The following FGD3 variants were observed in gnomAD, a reference collection of about 807,000 sequenced individuals.
FGD3 encodes FYVE, RhoGEF and PH domain containing 3.
A neutral mutation model predicts 71.8 loss-of-function variants in FGD3; 45 were observed. The ratio of observed to expected loss-of-function variants is 0.63; its 90% CI spans 0.49 to 0.80. FGD3 has a LOEUF of 0.80. Among genes scored for constraint, FGD3 ranks in the 30% least tolerant of loss-of-function variants. FGD3 has a pLI of 0.00. For missense variants in FGD3, 844 were observed against 951.5 expected (o/e 0.89, Z 1.49); for synonymous variants, 378 against 392.8 (o/e 0.96, Z 0.44).
intron 5 of FGD3, 78 bp from the exon 6 acceptor site, chr9:93,005,946 T>C: frequency 6.7e-7 from 1 of 1,489,528 alleles, no homozygotes; most frequent in South Asian, 1.4e-5. Context: ...CACACCCCCC[T>C]GGTGGAGTTC....
chr9:92,961,923 T>C (rs1172745808), intron 1 of FGD3, among the ~76,000 whole-genome samples: 2 of 152,226 alleles, frequency 1.3e-5, no homozygotes, highest in African/African-American at 2.4e-5. Context: ...ATGTATGGCC[T>C]GGCCTTGGAA....
At chr9:92,991,905 T>G (rs1860426002) in intron 3 of FGD3, among the ~76,000 whole-genome samples, 1 of 152,208 alleles carries the variant, frequency 6.6e-6, no homozygotes, top group Non-Finnish European at 1.5e-5. Context: ...TGTAATGTCT[T>G]TCTTTGTTTC....
chr9:92,957,681 T>C (rs1021861604), intron 1 of FGD3, among the ~76,000 whole-genome samples: 10 of 145,438 alleles, frequency 6.9e-5, no homozygotes, highest in Non-Finnish European at 1.2e-4. Context: ...TCTTTTCTTT[T>C]TTTTTTTTTT....
At chr9:93,026,751 C>A (rs58324277) in intron 14 of FGD3, among the ~76,000 whole-genome samples, 1 of 152,348 alleles carries the variant, frequency 6.6e-6, no homozygotes, top group East Asian at 1.9e-4. Flanking sequence ...ACCTGTCCTC[C>A]CACATGGTTG....
chr9:93,004,264 C>A, intron 5 of FGD3, 127 bp downstream of exon 5: 3 of 1,257,324 alleles, frequency 2.4e-6, no homozygotes, highest in Non-Finnish European at 3.3e-6. Flanking sequence ...CTTCTCTGCA[C>A]GGTCCTGGGT....
intron 14 of FGD3, among the ~76,000 whole-genome samples, chr9:93,027,715 C>T (rs891580135): frequency 2.9e-5 from 3 of 102,016 alleles, no homozygotes; most frequent in Non-Finnish European, 3.7e-5. Flanking sequence ...TTCTTTCTTT[C>T]TTTTTTTTTT....
intron 3 of FGD3, among the ~76,000 whole-genome samples, chr9:93,002,202 C>T (rs567378585): frequency 2.9e-4 from 44 of 152,318 alleles, no homozygotes; most frequent in African/African-American, 1.0e-3. Flanking sequence ...CATAACATCC[C>T]TGTGATGTAG....
At chr9:93,023,832 C>T (rs1309968018) in intron 14 of FGD3, among the ~76,000 whole-genome samples, 1 of 128,776 alleles carries the variant, frequency 7.8e-6, no homozygotes, top group Non-Finnish European at 1.6e-5. Flanking sequence ...GAGACGGAGT[C>T]GCTCTGTCGC....
At chr9:92,990,142 T>C (rs1037668019) in intron 3 of FGD3, among the ~76,000 whole-genome samples, 3 of 152,068 alleles carry the variant, frequency 2.0e-5, no homozygotes, top group African/African-American at 7.2e-5. Flanking sequence ...GTTTTCTATA[T>C]ATAAGATCAC....
chr9:92,985,193 C>T (rs1428224101), intron 3 of FGD3, among the ~76,000 whole-genome samples: 1 of 152,242 alleles, frequency 6.6e-6, no homozygotes, highest in Non-Finnish European at 1.5e-5. Flanking sequence ...CTTCCCACGC[C>T]AATGGCAGTT....
chr9:93,034,600 G>C lies in FGD3; in HGVS notation c.1845G>C (p.Glu615Asp). The C allele has an allele frequency of 6.2e-7, 1 of 1,613,564 alleles. No individual in the cohort carries two copies. The highest frequency in any genetic ancestry group is 8.5e-7 in the Non-Finnish European group (1 of 1,179,884). The change falls in exon 17 of 18, where the codon GAG becomes GAC. Residue 615 changes from glutamate (E) to aspartate (D), a missense_variant. Coordinates refer to ENST00000375482, the MANE Select transcript of FGD3 (RefSeq NM_001083536.2). ...SLLCGPLRLS[E>D]SGETWSEVWA... ...TCTGCGGCCCCCTGCGGCTGTCAGA[G>C]AGCGGTGAGACCTGGAGCGAGGTGT...
At chr9:92,971,142 A>C (rs1322605747) in intron 1 of FGD3, among the ~76,000 whole-genome samples, 1 of 152,136 alleles carries the variant, frequency 6.6e-6, no homozygotes, top group African/African-American at 2.4e-5. Context: ...CCTGTCTCCA[A>C]ACATGCCTTC....
chr9:92,950,915 C>T (rs1375733310), intron 1 of FGD3, among the ~76,000 whole-genome samples: 1 of 152,200 alleles, frequency 6.6e-6, no homozygotes, highest in African/African-American at 2.4e-5. Flanking sequence ...GCCACGTCCC[C>T]TGCGTCCAGC....
intron 8 of FGD3, among the ~76,000 whole-genome samples, chr9:93,012,038 C>T (rs1861419764): frequency 6.6e-6 from 1 of 150,858 alleles, no homozygotes; most frequent in Admixed American, 6.6e-5. Flanking sequence ...ACTGTAGTCC[C>T]AGCTACTCAG....
intron 14 of FGD3, among the ~76,000 whole-genome samples, chr9:93,024,738 T>C (rs568030253): frequency 9.2e-5 from 14 of 152,302 alleles, no homozygotes; most frequent in African/African-American, 3.4e-4. Context: ...AGCCCAGGCC[T>C]GGCTGAGGGG....
At chr9:92,954,179 T>A (rs1024215017) in intron 1 of FGD3, among the ~76,000 whole-genome samples, 1 of 152,156 alleles carries the variant, frequency 6.6e-6, no homozygotes, top group Non-Finnish European at 1.5e-5. Context: ...TTGGGTCTTG[T>A]CTATTGTTAG....
chr9:93,030,514 C>T (rs1332681293), intron 15 of FGD3, among the ~76,000 whole-genome samples: 1 of 152,184 alleles, frequency 6.6e-6, no homozygotes, highest in Non-Finnish European at 1.5e-5. Context: ...AAATTCAATG[C>T]TTAATGTTGA....
chr9:92,968,861 A>C (rs1859432892), intron 1 of FGD3, among the ~76,000 whole-genome samples: 2 of 152,106 alleles, frequency 1.3e-5, no homozygotes, highest in Non-Finnish European at 2.9e-5. Context: ...AAAGTGCCTT[A>C]GCCTCCCAAA....
intron 14 of FGD3, among the ~76,000 whole-genome samples, chr9:93,027,715 CTTT>C (rs1199094054): frequency 5.4e-4 from 55 of 102,008 alleles, no homozygotes; most frequent in African/African-American, 7.2e-4. Flanking sequence ...TTCTTTCTTT[CTTT>C]TTTTTTTTTT....
Sources: gnomAD v4.1 joint callset for allele counts (sites outside exome capture counted in the v4.1 genomes callset) on GRCh38, gnomAD v4.1.1 for gene constraint, MANE v1.5 for transcripts, NCBI Gene and HGNC (gene_info 2026-07-23, HGNC 2026-07-21) for gene names.